XRCC4: variants seen among roughly 807,000 people sequenced by gnomAD.
The protein encoded by XRCC4 is X-ray repair cross complementing 4, also known as DNA repair protein XRCC4.
Under a neutral mutation model 39.1 loss-of-function variants are expected in XRCC4, and 28 were observed. That is an observed-to-expected ratio of 0.72 (90% CI 0.53 to 0.98). The LOEUF (loss-of-function observed/expected upper bound fraction) is 0.98, where lower values mean the gene tolerates loss of function less well. XRCC4 is among the 50% of genes least tolerant of loss of function. The pLI is 0.00. For missense variants in XRCC4, 350 were observed against 376.4 expected, an observed-to-expected ratio of 0.93 and a Z score of 0.58; for synonymous variants, 123 against 126.4, an observed-to-expected ratio of 0.97 and a Z score of 0.18.
At chr5:83,336,316 G>A (rs1052258442) in intron 7 of XRCC4, among the ~76,000 whole-genome samples, 6 of 151,886 alleles carry the variant, frequency 4.0e-5, no homozygotes, top group African/African-American at 7.2e-5. Flanking sequence ...TTGTCTTTTC[G>A]GGCTGCATGT....
intron 7 of XRCC4, among the ~76,000 whole-genome samples, chr5:83,300,288 C>T (rs1755232979): frequency 6.6e-6 from 1 of 152,082 alleles, no homozygotes; most frequent in South Asian, 2.1e-4. Flanking sequence ...AAATACCTCA[C>T]TAGCTCTCCA....
At chr5:83,253,945 C>G (rs1261337436) in intron 6 of XRCC4, among the ~76,000 whole-genome samples, 1 of 152,072 alleles carries the variant, frequency 6.6e-6, no homozygotes, top group Non-Finnish European at 1.5e-5. Context: ...TGTGGAGCCA[C>G]CTTTCACAAT....
chr5:83,232,054 C>T (rs1752515628), intron 6 of XRCC4, among the ~76,000 whole-genome samples: 1 of 152,028 alleles, frequency 6.6e-6, no homozygotes, highest in Non-Finnish European at 1.5e-5. Context: ...ACATTACCCC[C>T]AAGAAAATTT....
chr5:83,237,776 C>G (rs777671618), intron 6 of XRCC4, among the ~76,000 whole-genome samples: 2 of 151,910 alleles, frequency 1.3e-5, no homozygotes, highest in Admixed American at 6.6e-5. Context: ...TCATGGATAT[C>G]CTTATTACCC....
chr5:83,140,312 C>T (rs1357248905), intron 3 of XRCC4, among the ~76,000 whole-genome samples: 2 of 152,154 alleles, frequency 1.3e-5, no homozygotes, highest in East Asian at 1.9e-4. Flanking sequence ...CGCAAACCAC[C>T]GATGTAAGTC....
At chr5:83,286,748 A>T (rs924719422) in intron 7 of XRCC4, among the ~76,000 whole-genome samples, 3 of 152,138 alleles carry the variant, frequency 2.0e-5, no homozygotes, top group Non-Finnish European at 4.4e-5. Context: ...ATCAGATGAC[A>T]CATAAAACTA....
chr5:83,367,269 A>ACT, the XRCC4 span, among the ~76,000 whole-genome samples: 3 of 152,142 alleles, frequency 2.0e-5, no homozygotes, highest in African/African-American at 7.2e-5. Context: ...ACAACATCAG[A>ACT]CTCTCTTAGC....
intron 6 of XRCC4, among the ~76,000 whole-genome samples, chr5:83,234,651 T>A (rs942826209): frequency 1.3e-5 from 2 of 152,180 alleles, no homozygotes; most frequent in African/African-American, 4.8e-5. Flanking sequence ...AGGAAACTTA[T>A]GCTGGTTATG....
intron 6 of XRCC4, among the ~76,000 whole-genome samples, chr5:83,230,139 T>A (rs555760948): frequency 1.3e-5 from 2 of 152,094 alleles, no homozygotes; most frequent in East Asian, 3.9e-4. Flanking sequence ...TGAAGTTAGG[T>A]AATATATTTT....
At chr5:83,159,987 A>G (rs563804211) in intron 3 of XRCC4, among the ~76,000 whole-genome samples, 4 of 152,310 alleles carry the variant, frequency 2.6e-5, no homozygotes, top group South Asian at 4.1e-4. Flanking sequence ...AATGTTGTCA[A>G]TGAGTAAATG....
At chr5:83,133,688 C>T (rs57320087) in intron 3 of XRCC4, among the ~76,000 whole-genome samples, 2,379 of 152,278 alleles carry the variant, frequency 0.016, 51 homozygotes, top group African/African-American at 0.055. Context: ...CTCTCCAAGC[C>T]AGGCGTGGGA....
chr5:83,292,686 G>C (rs1269711444), intron 7 of XRCC4, among the ~76,000 whole-genome samples: 2 of 151,790 alleles, frequency 1.3e-5, no homozygotes, highest in African/African-American at 4.8e-5. Flanking sequence ...TTACAGGCTA[G>C]TTAATATCCC....
the XRCC4 span, among the ~76,000 whole-genome samples, chr5:83,359,253 C>G: frequency 3.3e-5 from 5 of 152,078 alleles, no homozygotes; most frequent in Admixed American, 1.3e-4. Context: ...AAAGGAATGG[C>G]TGCTATTGAT....
intron 7 of XRCC4, among the ~76,000 whole-genome samples, chr5:83,350,348 T>C (rs1190991570): frequency 1.3e-5 from 2 of 152,196 alleles, no homozygotes; most frequent in Non-Finnish European, 2.9e-5. Context: ...CAAACTACTT[T>C]CCACTGTGGC....
At chr5:83,302,130 C>T (rs1755307366) in intron 7 of XRCC4, among the ~76,000 whole-genome samples, 2 of 152,244 alleles carry the variant, frequency 1.3e-5, no homozygotes, top group South Asian at 2.1e-4. Context: ...GCCAGTGGAT[C>T]CTAGCTTGCT....
At chr5:83,231,584 G>T (rs1171589474) in intron 6 of XRCC4, among the ~76,000 whole-genome samples, 4 of 151,956 alleles carry the variant, frequency 2.6e-5, no homozygotes, top group Non-Finnish European at 4.4e-5. Context: ...GACACATTTG[G>T]ACTCTTATCG....
At chr5:83,254,913 C>T (rs1029681328) in intron 6 of XRCC4, among the ~76,000 whole-genome samples, 1 of 151,838 alleles carries the variant, frequency 6.6e-6, no homozygotes, top group African/African-American at 2.4e-5. Flanking sequence ...ATGGTGAAAC[C>T]GTGTCTCTAC....
At chr5:83,258,294 A>G (rs558381457) in intron 6 of XRCC4, among the ~76,000 whole-genome samples, 29 of 152,296 alleles carry the variant, frequency 1.9e-4, no homozygotes, top group African/African-American at 7.0e-4. Flanking sequence ...CCCAGCATCA[A>G]AGATCATTTT....
intron 6 of XRCC4, among the ~76,000 whole-genome samples, chr5:83,249,603 A>G (rs760608225): frequency 3.9e-5 from 6 of 152,168 alleles, no homozygotes; most frequent in Non-Finnish European, 7.4e-5. Flanking sequence ...GGCAAAATGA[A>G]GTGGAAAGGT....
Sources: gnomAD v4.1 joint callset for allele counts (sites outside exome capture counted in the v4.1 genomes callset) on GRCh38, gnomAD v4.1.1 for gene constraint, MANE v1.5 for transcripts, NCBI Gene and HGNC (gene_info 2026-07-23, HGNC 2026-07-21) for gene names.